The following ROPN1 variants were observed in gnomAD, a reference collection of about 807,000 sequenced individuals.
ROPN1 encodes ropporin-1A.
ROPN1 carries 14 observed loss-of-function variants against 20.5 expected under a neutral mutation model. The ratio of observed to expected loss-of-function variants is 0.68; its 90% CI spans 0.45 to 1.07. The LOEUF (loss-of-function observed/expected upper bound fraction) is 1.07, where lower values mean the gene tolerates loss of function less well. ROPN1 is among the 50% of genes least tolerant of loss of function. The pLI is 0.00. For missense variants in ROPN1, 169 were observed against 242.8 expected, an observed-to-expected ratio of 0.70 and a Z score of 2.02; for synonymous variants, 76 against 95.7, an observed-to-expected ratio of 0.79 and a Z score of 1.20.
At chr3:123,990,810 T>TG (rs1373316940) in intron 1 of ROPN1, among the ~76,000 whole-genome samples, 1 of 152,176 alleles carries the variant, frequency 6.6e-6, no homozygotes, top group African/African-American at 2.4e-5. Context: ...AACATATACC[T>TG]GCCAAGTGCT....
intron 4 of ROPN1, among the ~76,000 whole-genome samples, chr3:123,970,559 T>G (rs2037896399): frequency 1.3e-5 from 2 of 152,158 alleles, no homozygotes; most frequent in Admixed American, 1.3e-4. Flanking sequence ...TTAGAATTAT[T>G]TCTTCTTATT....
intron 2 of ROPN1, chr3:123,980,064 G>T: frequency 2.0e-6 from 1 of 510,358 alleles, no homozygotes. Context: ...GGGAGGAGGT[G>T]GGTGTGCATA....
chr3:123,980,564 G>C, intron 1 of ROPN1, 71 bp from the exon 2 acceptor site: 2 of 1,417,744 alleles, frequency 1.4e-6, no homozygotes, highest in Non-Finnish European at 1.9e-6. Flanking sequence ...TCCTGGACAG[G>C]AGGTCACCCA....
intron 1 of ROPN1, among the ~76,000 whole-genome samples, chr3:123,984,440 T>C (rs780256440): frequency 7.9e-5 from 12 of 152,200 alleles, no homozygotes; most frequent in Non-Finnish European, 1.3e-4. Context: ...CTATTTCCTT[T>C]GAAATGTGTC....
At position 123,976,582 on chromosome 3, in the gene ROPN1, A is replaced by G. The variant is rs564954711; in HGVS notation, c.234+282T>C. Among the ~76,000 whole-genome samples the G allele has an allele frequency of 6.6e-5, 10 of 152,316 alleles. 1 individual carries two copies. The highest frequency in any genetic ancestry group is 2.4e-4 in the African/African-American group (10 of 41,562). ...CACTGTCCAGTGACTGAGGACTTGC[A>G]CTTTTCTGGAGAGACGAGATTAGCA... On this transcript the variant is annotated intron_variant, in intron 3 of 5. Transcript: ENST00000405845.
chr3:123,985,843 C>G (rs2038238501), intron 1 of ROPN1, among the ~76,000 whole-genome samples: 1 of 151,518 alleles, frequency 6.6e-6, no homozygotes, highest in African/African-American at 2.4e-5. Context: ...GAAACCCTGT[C>G]TGTACTAAAA....
chr3:123,969,236 G>A lies in ROPN1; in HGVS notation c.573-15C>T, dbSNP rs201876115. On this transcript the variant is annotated splice_polypyrimidine_tract_variant and intron_variant, in intron 5 of 5. Coordinates refer to ENST00000405845, the MANE Select transcript of ROPN1 (RefSeq NM_001317774.2). ...CAGGGCCAATTCTGTTTGGAAAAAG[G>A]TATATCTGCAGTTAGTTCATTGACA... 132 of 1,594,880 alleles carry A rather than the reference G, an allele frequency of 8.3e-5. No individual in the cohort carries two copies. Among genetic ancestry groups the A allele is most frequent in the Middle Eastern group, 5.0e-4 (3 of 6,056 alleles).
At chr3:123,969,703 G>A (rs758866766) in intron 5 of ROPN1, among the ~76,000 whole-genome samples, 61 of 152,140 alleles carry the variant, frequency 4.0e-4, no homozygotes, top group Non-Finnish European at 8.1e-4. Context: ...GAGTTACTAG[G>A]GGGGCTTATA....
intron 4 of ROPN1, among the ~76,000 whole-genome samples, chr3:123,973,935 A>G (rs2037964370): frequency 6.6e-6 from 1 of 152,220 alleles, no homozygotes; most frequent in South Asian, 2.1e-4. Flanking sequence ...AAGGGATGTG[A>G]GAAACCCTTC....
chr3:123,978,283 G>A (rs2038066669), intron 2 of ROPN1, among the ~76,000 whole-genome samples: 1 of 152,134 alleles, frequency 6.6e-6, no homozygotes, highest in Non-Finnish European at 1.5e-5. Flanking sequence ...GGGTGTGGGT[G>A]CAATATGACA....
At chr3:123,978,528 G>T (rs1356160104) in intron 2 of ROPN1, 1 of 153,728 alleles carries the variant, frequency 6.5e-6, no homozygotes, top group Admixed American at 6.5e-5. Flanking sequence ...CAGGTCCATG[G>T]TTATACACAT....
At chr3:123,975,630 C>T (rs2038005032) in intron 3 of ROPN1, 90 bp from the exon 4 acceptor site, 2 of 624,230 alleles carry the variant, frequency 3.2e-6, no homozygotes, top group East Asian at 4.0e-5. Flanking sequence ...GCCAGGTCCA[C>T]ATCTCCCAGC....
At chr3:123,982,172 A>G (rs1371094382) in intron 1 of ROPN1, among the ~76,000 whole-genome samples, 1 of 152,216 alleles carries the variant, frequency 6.6e-6, no homozygotes, top group Non-Finnish European at 1.5e-5. Context: ...GCCAGACAAA[A>G]GATACTTTAA....
intron 1 of ROPN1, among the ~76,000 whole-genome samples, chr3:123,984,690 A>T (rs1435415114): frequency 6.6e-6 from 1 of 151,456 alleles, no homozygotes; most frequent in Non-Finnish European, 1.5e-5. Flanking sequence ...TAAACTAAAA[A>T]TTTTCCGCTA....
intron 4 of ROPN1, among the ~76,000 whole-genome samples, chr3:123,972,159 A>G (rs1559821156): frequency 6.6e-6 from 1 of 152,360 alleles, no homozygotes; most frequent in Non-Finnish European, 1.5e-5. Flanking sequence ...AAACTAACAT[A>G]GCGGCTTTCA....
chr3:123,972,448 G>A (rs897369922), intron 4 of ROPN1, among the ~76,000 whole-genome samples: 11 of 152,148 alleles, frequency 7.2e-5, no homozygotes, highest in Non-Finnish European at 2.9e-5. Context: ...AATGTAAATC[G>A]TTTGCTAACA....
chr3:123,969,742 A>G (rs568768205), intron 5 of ROPN1, among the ~76,000 whole-genome samples: 7 of 152,304 alleles, frequency 4.6e-5, no homozygotes, highest in South Asian at 4.1e-4. Flanking sequence ...CTCTGGCCCT[A>G]GAGTTTATGA....
intron 1 of ROPN1, among the ~76,000 whole-genome samples, chr3:123,986,698 A>G (rs2038267012): frequency 6.6e-6 from 1 of 152,214 alleles, no homozygotes; most frequent in African/African-American, 2.4e-5. Flanking sequence ...CGGGGCAAGT[A>G]AAACAAAACC....
At chr3:123,987,464 G>A (rs767467605) in intron 1 of ROPN1, among the ~76,000 whole-genome samples, 18 of 152,146 alleles carry the variant, frequency 1.2e-4, no homozygotes, top group African/African-American at 2.2e-4. Flanking sequence ...ACTTGTCTGC[G>A]TCTAGTTGGC....
Sources: gnomAD v4.1 joint callset for allele counts (sites outside exome capture counted in the v4.1 genomes callset) on GRCh38, gnomAD v4.1.1 for gene constraint, MANE v1.5 for transcripts, NCBI Gene and HGNC (gene_info 2026-07-23, HGNC 2026-07-21) for gene names.